PCDHGA10: variants seen among roughly 807,000 people sequenced by gnomAD.
PCDHGA10 encodes the protein protocadherin gamma subfamily A, 10, also known as protocadherin gamma-A10.
In PCDHGA10, 42 loss-of-function variants were observed where a neutral mutation model predicts 59.5. The ratio of observed to expected loss-of-function variants is 0.71; its 90% CI spans 0.55 to 0.91. PCDHGA10 has a LOEUF of 0.91. Among genes scored for constraint, PCDHGA10 ranks in the 40% least tolerant of loss-of-function variants. PCDHGA10 has a pLI of 0.00. For missense variants in PCDHGA10, 1,111 were observed against 1,198.2 expected, an observed-to-expected ratio of 0.93 and a Z score of 1.07; for synonymous variants, 511 against 517.2, an observed-to-expected ratio of 0.99 and a Z score of 0.16.
At chr5:141,433,362 T>C (rs1285511534) in intron 1 of PCDHGA10, 6 of 299,814 alleles carry the variant, frequency 2.0e-5, no homozygotes, top group Non-Finnish European at 2.5e-5. Flanking sequence ...TGTCTGCCTA[T>C]CTATCTATCT....
intron 2 of PCDHGA10, among the ~76,000 whole-genome samples, chr5:141,502,109 C>G (rs2099812899): frequency 1.3e-5 from 2 of 152,182 alleles, no homozygotes; most frequent in Admixed American, 1.3e-4. Flanking sequence ...ACCCTGCACC[C>G]TCAGCCAGGC....
At chr5:141,424,198 C>A (rs116187844) in intron 1 of PCDHGA10, 2 of 181,904 alleles carry the variant, frequency 1.1e-5, no homozygotes, top group South Asian at 1.9e-4. Context: ...CACTTATACA[C>A]GTAAGCTTTT....
At chr5:141,430,911 A>T (rs544678317) in intron 1 of PCDHGA10, 4 of 1,607,840 alleles carry the variant, frequency 2.5e-6, no homozygotes, top group Non-Finnish European at 3.4e-6. Context: ...ATCTCCAGGG[A>T]CCTGGGGCTG....
At position 141,431,896 on chromosome 5, in the gene PCDHGA10, C is replaced by A. The variant is rs1292629023; in HGVS notation, c.2436+16285C>A. The A allele has an allele frequency of 6.2e-7, 1 of 1,613,940 alleles. No homozygotes were observed. The highest frequency in any genetic ancestry group is 1.3e-5 in the African/African-American group (1 of 74,924). On this transcript the variant is annotated intron_variant, in intron 1 of 3. Coordinates refer to ENST00000398610, the MANE Select transcript of PCDHGA10 (RefSeq NM_018913.3). This position sits in a 1 kb window ranked among gnomAD's most constrained non-coding sequence, Gnocchi z 4.8. Reference sequence around the variant, plus strand: ...TAAATGACCAAGATTCTGAGGAAAACGGACAGGTGATCTGTTTCATCCAAG... The same window carrying A: ...TAAATGACCAAGATTCTGAGGAAAAAGGACAGGTGATCTGTTTCATCCAAG...
In PCDHGA10 at chr5:141,489,183, G is replaced by A. The variant is rs2099683673; in HGVS notation, c.2437-5624G>A. 7.9e-7 allele frequency: 1 copy of A among 1,270,400 alleles called. No individual in the cohort carries two copies. Among genetic ancestry groups the A allele is most frequent in the Non-Finnish European group, 1.1e-6 (1 of 913,958 alleles). The allele number at this position is 1,270,400 out of a possible 1,614,324, so 78.7% of individuals were successfully genotyped here. A position where few individuals can be genotyped will look rare whatever the true frequency, so the allele number is the denominator to read the frequency against. ...TTCAGCTGCTGCATTCCAAGCCCTGGGTCTACCTTGGAGACAGGACAGCAC... is the reference window on the plus strand; with the variant it reads ...TTCAGCTGCTGCATTCCAAGCCCTGAGTCTACCTTGGAGACAGGACAGCAC... On this transcript the variant is annotated intron_variant, in intron 1 of 3. Transcript: ENST00000398610. The surrounding 1 kb of genome is among the most constrained non-coding windows in gnomAD (Gnocchi z 4.5).
intron 1 of PCDHGA10, among the ~76,000 whole-genome samples, chr5:141,443,016 G>T (rs1325670377): frequency 6.6e-6 from 1 of 152,204 alleles, no homozygotes; most frequent in East Asian, 1.9e-4. Context: ...TATGACTAAT[G>T]GAAGTTGCCA....
At chr5:141,480,298 C>T (rs1238380283) in intron 1 of PCDHGA10, among the ~76,000 whole-genome samples, 1 of 132,676 alleles carries the variant, frequency 7.5e-6, no homozygotes, top group Non-Finnish European at 1.6e-5. Flanking sequence ...ACCTGTGGTA[C>T]CAGCTACTTG....
intron 1 of PCDHGA10, chr5:141,430,598 T>G: frequency 1.7e-6 from 1 of 598,568 alleles, no homozygotes; most frequent in Non-Finnish European, 2.6e-6. Context: ...TGCACGCGCC[T>G]GAAGCACAAA....
intron 1 of PCDHGA10, chr5:141,441,621 G>T: frequency 4.5e-6 from 1 of 223,408 alleles, no homozygotes; most frequent in South Asian, 5.2e-5. Context: ...CGTGGCCAGT[G>T]ACCTGGAGCC....
intron 3 of PCDHGA10, among the ~76,000 whole-genome samples, chr5:141,510,214 A>G (rs1047332886): frequency 6.6e-6 from 1 of 151,406 alleles, no homozygotes; most frequent in Non-Finnish European, 1.5e-5. Context: ...CAGAGGTTGC[A>G]GTGAGCCGGG....
At chr5:141,506,188 C>A (rs925159785) in intron 3 of PCDHGA10, among the ~76,000 whole-genome samples, 1 of 152,058 alleles carries the variant, frequency 6.6e-6, no homozygotes, top group Non-Finnish European at 1.5e-5. Flanking sequence ...TGGTGGCTCA[C>A]GCCTGTAATC....
intron 1 of PCDHGA10, among the ~76,000 whole-genome samples, chr5:141,483,302 C>G (rs1262756268): frequency 2.0e-5 from 3 of 152,012 alleles, no homozygotes; most frequent in Admixed American, 6.5e-5. Context: ...AGTGAAGGGA[C>G]TGGGGACATT....
Position 141,413,452 on chromosome 5 carries a change from AGGATAGACC to A in PCDHGA10, c.280_288del (p.Ile94_Arg96del), listed in dbSNP as rs2095643065. On this transcript the variant is annotated inframe_deletion, in exon 1 of 4. Transcript: ENST00000398610. ...CAGCGGCAGCTTGATCACCGCGGGC[AGGATAGACC>A]GGGAGGAGCTCTGCGCTCAGAGCGC... 1 of 1,614,124 alleles carries A rather than the reference AGGATAGACC, an allele frequency of 6.2e-7. No individual in the cohort carries two copies. Among genetic ancestry groups the A allele is most frequent in the Admixed American group, 1.7e-5 (1 of 60,022 alleles).
rs1296142784 is a variant in PCDHGA10 at position 141,431,302 on chromosome 5, C to T, written c.2436+15691C>T. ...GCCCGAACACTCACTTCTCCCTCAT[C>T]GTGCAAAATGGAGCCGACGGTAGTA... is the stretch of plus-strand genomic sequence containing the variant. On this transcript the variant is annotated intron_variant, in intron 1 of 3. Coordinates refer to ENST00000398610, the MANE Select transcript of PCDHGA10 (RefSeq NM_018913.3). This position sits in a 1 kb window ranked among gnomAD's most constrained non-coding sequence, Gnocchi z 4.8. 2 of 1,614,028 alleles carry T rather than the reference C, an allele frequency of 1.2e-6. No individual in the cohort carries two copies. Among genetic ancestry groups the T allele is most frequent in the African/African-American group, 1.3e-5 (1 of 74,946 alleles).
chr5:141,478,381 C>A (rs931860600), intron 1 of PCDHGA10: 1 of 1,613,664 alleles, frequency 6.2e-7, no homozygotes, highest in Admixed American at 1.7e-5. Flanking sequence ...TGTCGCCGCA[C>A]CTTTACCATC....
intron 2 of PCDHGA10, among the ~76,000 whole-genome samples, chr5:141,497,552 T>C (rs2099777669): frequency 6.6e-6 from 1 of 151,386 alleles, no homozygotes; most frequent in Non-Finnish European, 1.5e-5. Context: ...TTTTTTTTTT[T>C]TTTTTTAGAC....
chr5:141,486,346 C>G lies in PCDHGA10; in HGVS notation c.2437-8461C>G. 1 of 1,614,120 alleles carries G rather than the reference C, an allele frequency of 6.2e-7. No individual in the cohort carries two copies. Among genetic ancestry groups the G allele is most frequent in the East Asian group, 2.2e-5 (1 of 44,874 alleles). ...GAGATGTGAGCCTCCGCATTCCTGA[C>G]CACTTGCCATTTGCCCTCAAGTCTG... On this transcript the variant is annotated intron_variant, in intron 1 of 3. Coordinates refer to ENST00000398610, the MANE Select transcript of PCDHGA10 (RefSeq NM_018913.3). This position sits in a 1 kb window ranked among gnomAD's most constrained non-coding sequence, Gnocchi z 5.0.
chr5:141,434,072 A>G lies in PCDHGA10; in HGVS notation c.2436+18461A>G, dbSNP rs558084143. On this transcript the variant is annotated intron_variant, in intron 1 of 3. Coordinates refer to ENST00000398610, the MANE Select transcript of PCDHGA10 (RefSeq NM_018913.3). ...CAATGGCCTGTAATCTGTTAATATC[A>G]ATTATTTATTTTGATGCTGAAATTG... Among the ~76,000 whole-genome samples the G allele has an allele frequency of 1.9e-3, 289 of 152,072 alleles. 1 individual carries two copies. Among genetic ancestry groups the G allele is most frequent in the African/African-American group, 6.7e-3 (276 of 41,486 alleles).
chr5:141,422,487 T>C lies in PCDHGA10; in HGVS notation c.2436+6876T>C, dbSNP rs1295400741. 5.0e-6 allele frequency: 8 copies of C among 1,613,938 alleles called. No individual in the cohort carries two copies. The East Asian group carries it at 1.8e-4, about 36-fold the overall frequency. ...ACAGGGAGTTGGTCCAGAGCTACAA[T>C]ATAACGTTGACAGCCACAGACCAGG... On this transcript the variant is annotated intron_variant, in intron 1 of 3. Coordinates refer to ENST00000398610, the MANE Select transcript of PCDHGA10 (RefSeq NM_018913.3).
Sources: allele counts gnomAD v4.1 joint callset (sites outside exome capture counted in the v4.1 genomes callset), GRCh38; gene constraint gnomAD v4.1.1; non-coding constraint Gnocchi (gnomAD v3.1); transcripts MANE v1.5; gene names NCBI Gene and HGNC (gene_info 2026-07-23, HGNC 2026-07-21).